The following SGCD variants were observed in gnomAD, a reference collection of about 807,000 sequenced individuals.
SGCD encodes sarcoglycan delta.
In SGCD, 18 loss-of-function variants were observed where a neutral mutation model predicts 36.6. The ratio of observed to expected loss-of-function variants is 0.49; its 90% confidence interval spans 0.34 to 0.73. SGCD has a LOEUF of 0.73. SGCD is among the 30% of genes least tolerant of loss of function. The pLI is 0.01. For synonymous variants in SGCD, 133 were observed against 130.6 expected, an observed-to-expected ratio of 1.02 and a Z score of -0.12; for missense variants, 387 against 346.7, an observed-to-expected ratio of 1.12 and a Z score of -0.92.
intron 1 of SGCD, among the ~76,000 whole-genome samples, chr5:156,047,230 G>A (rs191248629): frequency 2.4e-4 from 36 of 152,288 alleles, no homozygotes; most frequent in South Asian, 1.4e-3. Flanking sequence ...ACATAAGAGT[G>A]CAGAGTGAAG....
chr5:156,378,704 A>AT (rs1213122879), intron 3 of SGCD, among the ~76,000 whole-genome samples: 3 of 151,924 alleles, frequency 2.0e-5, no homozygotes, highest in African/African-American at 4.8e-5. Context: ...TCCTTTTAGA[A>AT]TTTTTTTCAA....
chr5:156,510,517 A>G (rs925655510), intron 4 of SGCD, among the ~76,000 whole-genome samples: 1 of 152,176 alleles, frequency 6.6e-6, no homozygotes, highest in African/African-American at 2.4e-5. Context: ...TGTTTAACTC[A>G]CTAGTTTAGT....
At chr5:155,964,325 C>G (rs550834614) in intron 1 of SGCD, among the ~76,000 whole-genome samples, 1 of 152,022 alleles carries the variant, frequency 6.6e-6, no homozygotes, top group East Asian at 1.9e-4. Flanking sequence ...CTATATTGTA[C>G]TATATAATTC....
chr5:156,474,483 C>G (rs1430438698), intron 3 of SGCD, among the ~76,000 whole-genome samples: 1 of 152,196 alleles, frequency 6.6e-6, no homozygotes, highest in Non-Finnish European at 1.5e-5. Context: ...TGTCTCATTT[C>G]TTTGACAAAG....
chr5:155,859,986 C>A, the SGCD span, among the ~76,000 whole-genome samples: 1 of 152,218 alleles, frequency 6.6e-6, no homozygotes, highest in Non-Finnish European at 1.5e-5. Flanking sequence ...ATTTGCAAAT[C>A]TTCTTGTCCT....
Position 156,694,933 on chromosome 5 carries a change from CTG to C in SGCD, c.575+47400_575+47401del, listed in dbSNP as rs369224581. The stretch of plus-strand genomic sequence containing the variant: ...ACCTTTATCTCATCCTAGAGAGAAA[CTG>C]TGAATTATTATAGTGAAATATATTC... On this transcript the variant is annotated intron_variant, in intron 7 of 8. Transcript: ENST00000337851. Among the ~76,000 whole-genome samples the C allele has an allele frequency of 3.7e-3, 564 of 152,300 alleles. 8 individuals are homozygous for C. Among genetic ancestry groups the C allele is most frequent in the African/African-American group, 0.012 (493 of 41,558 alleles).
At chr5:156,143,449 C>T (rs1383868603) in intron 3 of SGCD, among the ~76,000 whole-genome samples, 1 of 152,168 alleles carries the variant, frequency 6.6e-6, no homozygotes, top group Non-Finnish European at 1.5e-5. Flanking sequence ...GCACCAACAC[C>T]CTCCAGCCCC....
At chr5:156,412,787 C>CTTTTTTTTT (rs35464853) in intron 3 of SGCD, among the ~76,000 whole-genome samples, 3 of 105,030 alleles carry the variant, frequency 2.9e-5, no homozygotes, top group Non-Finnish European at 5.8e-5. Flanking sequence ...AGGGTTGGTT[C>CTTTTTTTTT]TTTTTTTTTT....
chr5:156,398,929 A>T (rs982628935), intron 3 of SGCD, among the ~76,000 whole-genome samples: 4 of 152,116 alleles, frequency 2.6e-5, no homozygotes, highest in African/African-American at 9.7e-5. Context: ...CATCCTAGGC[A>T]TTTTGTAAGT....
intron 1 of SGCD, among the ~76,000 whole-genome samples, chr5:155,925,512 CACTCCAATCAG>C: frequency 6.6e-6 from 1 of 152,332 alleles, no homozygotes; most frequent in African/African-American, 2.4e-5. Context: ...GTGGTAGCGT[CACTCCAATCAG>C]ACTCTGCCTC....
At chr5:156,221,695 T>C (rs1581176930) in intron 3 of SGCD, among the ~76,000 whole-genome samples, 1 of 152,236 alleles carries the variant, frequency 6.6e-6, no homozygotes. Flanking sequence ...TTATTGGGAA[T>C]AAAATCCCTA....
chr5:155,755,405 C>T, the SGCD span, among the ~76,000 whole-genome samples: 5 of 152,192 alleles, frequency 3.3e-5, no homozygotes, highest in African/African-American at 1.2e-4. Flanking sequence ...ACTAATAGAA[C>T]TATCAGACCT....
intron 3 of SGCD, among the ~76,000 whole-genome samples, chr5:156,130,101 C>G (rs144117688): frequency 0.013 from 1,945 of 152,248 alleles, 151 homozygotes; most frequent in Admixed American, 0.12. Context: ...ATTTATACTC[C>G]CACCAACAGT....
intron 1 of SGCD, among the ~76,000 whole-genome samples, chr5:155,978,196 A>G (rs376387761): frequency 1.2e-4 from 19 of 152,348 alleles, no homozygotes; most frequent in East Asian, 1.2e-3. Context: ...TGGGGTTCCA[A>G]TTATGAATTT....
At chr5:156,012,248 C>T (rs972607693) in intron 1 of SGCD, among the ~76,000 whole-genome samples, 1 of 152,280 alleles carries the variant, frequency 6.6e-6, no homozygotes, top group Middle Eastern at 3.4e-3. Context: ...ATTCTCACCA[C>T]GCTATCAAAA....
chr5:156,217,623 C>G (rs1362794855), intron 3 of SGCD, among the ~76,000 whole-genome samples: 3 of 152,066 alleles, frequency 2.0e-5, no homozygotes, highest in Non-Finnish European at 4.4e-5. Context: ...AGGTAAAATG[C>G]TGAGAATGCT....
chr5:155,781,408 A>T, the SGCD span, among the ~76,000 whole-genome samples: 1 of 152,124 alleles, frequency 6.6e-6, no homozygotes, highest in Non-Finnish European at 1.5e-5. Flanking sequence ...CTTTGGTATG[A>T]TTCTTAGTCT....
At chr5:155,971,986 T>A (rs1386960368) in intron 1 of SGCD, among the ~76,000 whole-genome samples, 1 of 152,160 alleles carries the variant, frequency 6.6e-6, no homozygotes, top group African/African-American at 2.4e-5. Context: ...TTACTCGCCT[T>A]CAAACAAATG....
chr5:155,949,698 AT>A (rs1294677047), intron 1 of SGCD, among the ~76,000 whole-genome samples: 8 of 152,178 alleles, frequency 5.3e-5, no homozygotes, highest in Non-Finnish European at 1.2e-4. Flanking sequence ...TTATTGGAAC[AT>A]GGCCACACTT....
Sources: gnomAD v4.1 joint callset for allele counts (sites outside exome capture counted in the v4.1 genomes callset) on GRCh38, gnomAD v4.1.1 for gene constraint, MANE v1.5 for transcripts, NCBI Gene and HGNC (gene_info 2026-07-23, HGNC 2026-07-21) for gene names.